The following PHLPP1 variants were observed in gnomAD, a reference collection of about 807,000 sequenced individuals.
PHLPP1 encodes PH domain leucine-rich repeat-containing protein phosphatase 1.
A neutral mutation model predicts 117.2 loss-of-function variants in PHLPP1; 42 were observed. The ratio of observed to expected loss-of-function variants is 0.36; its 90% CI spans 0.28 to 0.46. The LOEUF is 0.46. Among genes scored for constraint, PHLPP1 ranks in the 20% least tolerant of loss-of-function variants. The pLI is 1.00. For synonymous variants in PHLPP1, 1,042 were observed against 970.7 expected (o/e 1.07, Z -1.37); for missense variants, 2,084 against 2,241.9 (o/e 0.93, Z 1.42).
chr18:62,781,193 A>G (rs1003924584), intron 1 of PHLPP1, among the ~76,000 whole-genome samples: 1 of 152,128 alleles, frequency 6.6e-6, no homozygotes, highest in African/African-American at 2.4e-5. Context: ...TTTTTGGGAG[A>G]GCTTAAGTAA....
chr18:62,873,215 G>A (rs142077039), intron 4 of PHLPP1, among the ~76,000 whole-genome samples: 1 of 152,154 alleles, frequency 6.6e-6, no homozygotes, highest in Non-Finnish European at 1.5e-5. Flanking sequence ...AAGTTTGATA[G>A]TAATAATTTG....
chr18:62,860,462 G>T lies in PHLPP1; in HGVS notation c.1927G>T (p.Asp643Tyr). The change falls in exon 4 of 17, where the codon GAC becomes TAC. Residue 643 changes from aspartate to tyrosine, a missense_variant. Physicochemically the swap from Asp to Tyr is radical, Grantham distance 160 (BLOSUM62 -3). Around this residue, in one of 2 missense-constraint regions of PHLPP1, gnomAD observed 1,365 missense variants for 1,605.9 expected, o/e 0.85. Transcript: ENST00000262719. ...TGCATCCCAGCGCATTAGCTCAGTG[G>T]ACCTCTCGTGTTGTAGCCTGGAACA... is the stretch of plus-strand genomic sequence containing the variant. ...KVASQRISSV[D>Y]LSCCSLEHLP... is the part of the protein sequence containing the mutation. The T allele has an allele frequency of 6.2e-7, 1 of 1,613,848 alleles. No homozygotes were observed. Among genetic ancestry groups the T allele is most frequent in the Non-Finnish European group, 8.5e-7 (1 of 1,179,850 alleles).
chr18:62,941,595 G>A, intron 10 of PHLPP1, 123 bp from the exon 11 acceptor site: 1 of 675,134 alleles, frequency 1.5e-6, no homozygotes, highest in Non-Finnish European at 2.5e-6. Flanking sequence ...TTGAAGCCAG[G>A]GCTTGTCTTT....
intron 12 of PHLPP1, among the ~76,000 whole-genome samples, chr18:62,951,614 CT>C (rs1311445466): frequency 2.6e-5 from 4 of 152,036 alleles, no homozygotes; most frequent in Non-Finnish European, 5.9e-5. Context: ...TTGTAAATTT[CT>C]TTTCAAGTCT....
At chr18:62,778,233 C>CT (rs1163431389) in intron 1 of PHLPP1, among the ~76,000 whole-genome samples, 1 of 152,052 alleles carries the variant, frequency 6.6e-6, no homozygotes, top group Non-Finnish European at 1.5e-5. Context: ...ATACAGGAGA[C>CT]TTTTTTTGAG....
Position 62,715,849 on chromosome 18 carries a change from A to G in PHLPP1, c.166A>G (p.Thr56Ala), listed in dbSNP as rs1476516035. ...GGGRSPEPAL[T>A]PAAPSGGNGS... is the part of the protein sequence containing the mutation. ...CGGCCGGAGTCCGGAGCCCGCGCTG[A>G]CCCCGGCGGCCCCGAGCGGCGGGAA... The change falls in exon 1 of 17, where the codon ACC becomes GCC. Residue 56 changes from threonine (T) to alanine (A), a missense_variant. Coordinates refer to ENST00000262719, the MANE Select transcript of PHLPP1 (RefSeq NM_194449.4). The G allele has an allele frequency of 1.3e-6, 1 of 753,124 alleles. No individual in the cohort carries two copies. The highest frequency in any genetic ancestry group is 2.0e-5 in the African/African-American group (1 of 51,134). 46.7% of individuals were successfully genotyped at this position (753,124 alleles called of 1,614,324 possible).
rs568809193 is a variant in PHLPP1, at chr18:62,930,320, A to G, written c.2960+10206A>G. On this transcript the variant is annotated intron_variant, in intron 10 of 16. Transcript: ENST00000262719. ...TACATGTGCTTGAACCCAACCTTCT[A>G]TTGCCTTCAAGAGACCCATCTCACA... is the stretch of plus-strand genomic sequence containing the variant. 3.3e-5 allele frequency among the ~76,000 whole-genome samples: 5 copies of G among 152,332 alleles called. No homozygotes were observed. The East Asian group carries it at 9.6e-4, about 29-fold the overall frequency.
At chr18:62,737,706 G>A (rs1016739248) in intron 1 of PHLPP1, among the ~76,000 whole-genome samples, 1 of 152,192 alleles carries the variant, frequency 6.6e-6, no homozygotes, top group Non-Finnish European at 1.5e-5. Flanking sequence ...TGCTGCAGTT[G>A]TGATAGGGTC....
chr18:62,931,239 A>G (rs1909798310), intron 10 of PHLPP1, among the ~76,000 whole-genome samples: 1 of 151,950 alleles, frequency 6.6e-6, no homozygotes, highest in South Asian at 2.1e-4. Context: ...CATGGAAACT[A>G]AACAGTTTGG....
At chr18:62,958,866 CTGTGT>C in intron 13 of PHLPP1, 107 bp downstream of exon 13, 5 of 1,269,862 alleles carry the variant, frequency 3.9e-6, no homozygotes, top group Non-Finnish European at 5.5e-6. Context: ...GACTTGTTAG[CTGTGT>C]TAACACACAC....
At chr18:62,834,292 A>G (rs1434277665) in intron 2 of PHLPP1, among the ~76,000 whole-genome samples, 1 of 152,188 alleles carries the variant, frequency 6.6e-6, no homozygotes, top group Non-Finnish European at 1.5e-5. Context: ...GGCCAGAACT[A>G]GTCACATCGC....
chr18:62,838,760 G>C (rs748388685), intron 2 of PHLPP1, 24 bp from the exon 3 acceptor site: 3 of 1,598,298 alleles, frequency 1.9e-6, no homozygotes, highest in Non-Finnish European at 2.6e-6. Context: ...ACTTGTTTCT[G>C]CTTCTCTCTG....
At chr18:62,880,187 G>A (rs530472504) in intron 4 of PHLPP1, among the ~76,000 whole-genome samples, 7 of 151,662 alleles carry the variant, frequency 4.6e-5, no homozygotes, top group Non-Finnish European at 1.0e-4. Context: ...TTATACCTAG[G>A]AAACTTTTGG....
chr18:62,804,441 G>T (rs368193157), intron 1 of PHLPP1, among the ~76,000 whole-genome samples: 4 of 152,130 alleles, frequency 2.6e-5, no homozygotes, highest in African/African-American at 9.7e-5. Flanking sequence ...GCCTGGCACA[G>T]TGGGTCACAC....
At chr18:62,881,840 C>T (rs1036243643) in intron 4 of PHLPP1, among the ~76,000 whole-genome samples, 1 of 152,212 alleles carries the variant, frequency 6.6e-6, no homozygotes, top group South Asian at 2.1e-4. Flanking sequence ...AGTTCAGTTA[C>T]AGGCCAATGG....
intron 12 of PHLPP1, among the ~76,000 whole-genome samples, chr18:62,948,261 G>A (rs1246125890): frequency 1.3e-5 from 2 of 151,808 alleles, no homozygotes; most frequent in East Asian, 3.9e-4. Context: ...AGAGGGGGAA[G>A]CTACAGTGAG....
intron 12 of PHLPP1, among the ~76,000 whole-genome samples, chr18:62,950,964 T>TA (rs1227685083): frequency 1.3e-5 from 2 of 151,772 alleles, no homozygotes; most frequent in African/African-American, 4.8e-5. Context: ...ATTGGTGTAA[T>TA]GAGTTAACCC....
chr18:62,923,287 G>A (rs575327892), intron 10 of PHLPP1, among the ~76,000 whole-genome samples: 3 of 152,106 alleles, frequency 2.0e-5, no homozygotes, highest in Non-Finnish European at 4.4e-5. Context: ...AAGGGTTGGG[G>A]GAATGAGAAG....
At chr18:62,903,259 T>A in intron 7 of PHLPP1, 93 bp downstream of exon 7, 3 of 872,760 alleles carry the variant, frequency 3.4e-6, no homozygotes, top group Non-Finnish European at 5.4e-6. Flanking sequence ...TTTGCTCAAG[T>A]AGTTAGTAAA....
Sources: gnomAD v4.1 joint callset for allele counts (sites outside exome capture counted in the v4.1 genomes callset) on GRCh38, gnomAD v4.1.1 for gene constraint, gnomAD v4.1.1 regional missense constraint, MANE v1.5 for transcripts, NCBI Gene and HGNC (gene_info 2026-07-23, HGNC 2026-07-21) for gene names.